Variants in CFAP221 observed in about 807,000 individuals in gnomAD.
CFAP221 encodes the protein cilia and flagella associated protein 221.
Under a neutral mutation model 113.1 loss-of-function variants are expected in CFAP221, and 97 were observed. That is an observed-to-expected ratio of 0.86 (90% CI 0.73 to 1.02). The LOEUF is 1.02. Among genes scored for constraint, CFAP221 ranks in the 50% least tolerant of loss-of-function variants. The pLI is 0.00. For missense variants in CFAP221, 1,025 were observed against 1,013.4 expected, an observed-to-expected ratio of 1.01 and a Z score of -0.16; for synonymous variants, 331 against 354.4, an observed-to-expected ratio of 0.93 and a Z score of 0.74.
downstream of CFAP221, among the ~76,000 whole-genome samples, chr2:119,656,992 A>C (rs945754275): frequency 6.6e-6 from 1 of 152,130 alleles, no homozygotes; most frequent in African/African-American, 2.4e-5. Context: ...CCAGTTTCCC[A>C]GGAGGAAGCA....
chr2:119,654,096 C>T (rs569348848), intron 23 of CFAP221, among the ~76,000 whole-genome samples: 15 of 152,180 alleles, frequency 9.9e-5, no homozygotes, highest in Admixed American at 7.8e-4. Flanking sequence ...GAAAGGAATG[C>T]TCACATTTCT....
Position 119,601,966 on chromosome 2 carries a change from T to A in CFAP221, c.791+589T>A, listed in dbSNP as rs181626475. Among the ~76,000 whole-genome samples the A allele has an allele frequency of 4.3e-3, 653 of 152,368 alleles. 9 individuals carry two copies. Among genetic ancestry groups the A allele is most frequent in the Non-Finnish European group, 5.2e-3 (351 of 68,028 alleles). On this transcript the variant is annotated intron_variant, in intron 8 of 23. Coordinates refer to ENST00000413369, the MANE Select transcript of CFAP221 (RefSeq NM_001271049.2). ...AAAGATGTGAAATGGGATTAAGTTG[T>A]GCTTCATAACAAATCCTTTCTGAAC...
intron 21 of CFAP221, among the ~76,000 whole-genome samples, chr2:119,642,533 CTTTTTTTTTTTTT>C (rs56224952): frequency 1.5e-4 from 8 of 54,660 alleles, no homozygotes; most frequent in African/African-American, 1.4e-4. Flanking sequence ...GCTCTCAGGC[CTTTTTTTTTTTTT>C]TTTTTTTTTT....
At chr2:119,623,897 A>G (rs186515501) in intron 14 of CFAP221, among the ~76,000 whole-genome samples, 2 of 152,366 alleles carry the variant, frequency 1.3e-5, no homozygotes, top group South Asian at 2.1e-4. Flanking sequence ...TAAATGTTAG[A>G]CCTAAAACCA....
Position 119,611,704 on chromosome 2 carries a change from G to A in CFAP221, c.1273G>A (p.Glu425Lys). 6 of 1,613,974 alleles carry A rather than the reference G, an allele frequency of 3.7e-6. No individual in the cohort carries two copies. Among genetic ancestry groups the A allele is most frequent in the Non-Finnish European group, 5.1e-6 (6 of 1,179,968 alleles). Residue 425 changes from glutamate (E) to lysine (K), a missense_variant, in exon 13 of 24, where the codon GAA becomes AAA. Coordinates refer to ENST00000413369, the MANE Select transcript of CFAP221 (RefSeq NM_001271049.2). Reference sequence around the variant, plus strand: ...TGAGGAATTTCAGCGACTTAAAACAGAAGTTAGCCATAAACGGGTTGTTCG... The same window carrying A: ...TGAGGAATTTCAGCGACTTAAAACAAAAGTTAGCCATAAACGGGTTGTTCG... ...LDEEFQRLKTEVSHKRVVRNQ... is the reference protein window; with the variant it reads ...LDEEFQRLKTKVSHKRVVRNQ...
At chr2:119,607,696 C>T (rs1459238995) in intron 11 of CFAP221, among the ~76,000 whole-genome samples, 1 of 152,154 alleles carries the variant, frequency 6.6e-6, no homozygotes, top group East Asian at 1.9e-4. Flanking sequence ...CCCTGGCAAC[C>T]ACAATCTACT....
intron 6 of CFAP221, among the ~76,000 whole-genome samples, chr2:119,571,606 C>T (rs960902896): frequency 2.6e-5 from 4 of 152,084 alleles, no homozygotes; most frequent in Non-Finnish European, 5.9e-5. Flanking sequence ...AGACATGCAC[C>T]ACCACACCTA....
intron 19 of CFAP221, among the ~76,000 whole-genome samples, chr2:119,633,705 A>G (rs1686935031): frequency 7.9e-6 from 1 of 126,144 alleles, no homozygotes; most frequent in Admixed American, 8.8e-5. Context: ...AAGACTTATA[A>G]ATGGCCAACA....
At chr2:119,546,398 A>T in intron 2 of CFAP221, 128 bp downstream of exon 2, 1 of 1,096,472 alleles carries the variant, frequency 9.1e-7, no homozygotes, top group Non-Finnish European at 1.3e-6. Context: ...ACTAATTTTT[A>T]TTACTAAGAA....
intron 21 of CFAP221, among the ~76,000 whole-genome samples, chr2:119,643,981 C>T (rs1177233389): frequency 2.0e-5 from 3 of 151,856 alleles, no homozygotes; most frequent in Non-Finnish European, 4.4e-5. Context: ...GGTGAAACCT[C>T]GTCTCTACTA....
At chr2:119,658,951 A>G (rs935341500), downstream of CFAP221, among the ~76,000 whole-genome samples, 50 of 150,500 alleles carry the variant, frequency 3.3e-4, no homozygotes, top group African/African-American at 1.2e-3. Flanking sequence ...TGATCACACC[A>G]CTGCACTCCA....
chr2:119,607,200 C>T (rs1684832314), intron 11 of CFAP221, among the ~76,000 whole-genome samples: 1 of 152,030 alleles, frequency 6.6e-6, no homozygotes, highest in Non-Finnish European at 1.5e-5. Context: ...GCCACATTGC[C>T]CAGGCTGGTC....
downstream of CFAP221, among the ~76,000 whole-genome samples, chr2:119,659,256 T>C (rs1476469850): frequency 6.6e-6 from 1 of 152,200 alleles, no homozygotes; most frequent in African/African-American, 2.4e-5. Context: ...GTGTCCTTTT[T>C]ACTTTGGCTT....
chr2:119,604,854 C>T, intron 9 of CFAP221, 22 bp from the exon 10 acceptor site: 1 of 1,612,928 alleles, frequency 6.2e-7, no homozygotes, highest in Non-Finnish European at 8.5e-7. Context: ...TAACTGATTT[C>T]CCTATTGATT....
intron 23 of CFAP221, among the ~76,000 whole-genome samples, chr2:119,655,299 C>A (rs1688364320): frequency 6.6e-6 from 1 of 151,882 alleles, no homozygotes; most frequent in South Asian, 2.1e-4. Context: ...TAGTTGCTGA[C>A]ACATTTTTCA....
chr2:119,565,067 T>C (rs1168026159), intron 6 of CFAP221, among the ~76,000 whole-genome samples: 3 of 152,214 alleles, frequency 2.0e-5, no homozygotes, highest in Non-Finnish European at 4.4e-5. Flanking sequence ...GACTTCTGCA[T>C]TTTTGGTGAC....
intron 19 of CFAP221, among the ~76,000 whole-genome samples, chr2:119,637,462 T>G (rs141004530): frequency 6.6e-6 from 1 of 152,164 alleles, no homozygotes; most frequent in South Asian, 2.1e-4. Flanking sequence ...AGCTAAGTGG[T>G]TTTGTGGGGC....
chr2:119,609,479 T>C (rs1231143147), intron 12 of CFAP221, among the ~76,000 whole-genome samples: 1 of 152,160 alleles, frequency 6.6e-6, no homozygotes, highest in Non-Finnish European at 1.5e-5. Flanking sequence ...GAAGGATCCA[T>C]TCCAGACCTC....
intron 19 of CFAP221, among the ~76,000 whole-genome samples, chr2:119,637,634 TA>T (rs2104782597): frequency 6.6e-6 from 1 of 152,012 alleles, no homozygotes; most frequent in East Asian, 1.9e-4. Flanking sequence ...GAGAGAACAG[TA>T]AAAGGCTCTA....
Sources: gnomAD v4.1 joint callset for allele counts (sites outside exome capture counted in the v4.1 genomes callset) on GRCh38, gnomAD v4.1.1 for gene constraint, MANE v1.5 for transcripts, NCBI Gene and HGNC (gene_info 2026-07-23, HGNC 2026-07-21) for gene names.